The following AXL variants were observed in gnomAD, a reference collection of about 807,000 sequenced individuals.
The protein encoded by AXL is AXL receptor tyrosine kinase.
A neutral mutation model predicts 104.5 loss-of-function variants in AXL; 52 were observed. The observed-to-expected ratio is 0.50, with a 90% CI of 0.40 to 0.63. The LOEUF (loss-of-function observed/expected upper bound fraction) is 0.63. AXL is among the 20% of genes least tolerant of loss of function. AXL has a pLI of 0.00. For synonymous variants in AXL, 455 were observed against 473.7 expected, an observed-to-expected ratio of 0.96 and a Z score of 0.51; for missense variants, 1,024 against 1,188.5, an observed-to-expected ratio of 0.86 and a Z score of 2.04.
chr19:41,226,784 C>T (rs2033889241), intron 4 of AXL: 1 of 985,578 alleles, frequency 1.0e-6, no homozygotes, highest in African/African-American at 1.7e-5. Context: ...CGCAGAACTG[C>T]AGTCGCACTT....
At chr19:41,252,329 C>T (rs772763069) in intron 14 of AXL, 22 bp from the exon 15 acceptor site, 31 of 1,609,716 alleles carry the variant, frequency 1.9e-5, no homozygotes, top group Admixed American at 3.3e-5. Flanking sequence ...CTCCTCCTCA[C>T]GACCTTTCTC....
chr19:41,250,991 G>A (rs1211853249), intron 14 of AXL, among the ~76,000 whole-genome samples: 1 of 152,194 alleles, frequency 6.6e-6, no homozygotes, highest in Non-Finnish European at 1.5e-5. Flanking sequence ...CCCAGGGCAG[G>A]TAGGGAAGTG....
At chr19:41,243,166 C>G (rs1253084817) in intron 11 of AXL, 151 bp downstream of exon 11, 2 of 1,181,036 alleles carry the variant, frequency 1.7e-6, no homozygotes, top group East Asian at 5.1e-5. Flanking sequence ...CGCCTGTAAT[C>G]CCAGCACTTT....
intron 12 of AXL, among the ~76,000 whole-genome samples, chr19:41,246,722 A>T (rs887548652): frequency 8.6e-5 from 13 of 152,000 alleles, no homozygotes; most frequent in African/African-American, 2.2e-4. Context: ...TTCAAAAAAA[A>T]TTTTTTTATT....
chr19:41,252,995 C>A, intron 16 of AXL, 28 bp downstream of exon 16: 1 of 1,611,718 alleles, frequency 6.2e-7, no homozygotes, highest in Non-Finnish European at 8.5e-7. Context: ...ATTCAGTCTA[C>A]AAATATTAAC....
At chr19:41,235,369 A>AATAGATAGATAG (rs71175697) in intron 6 of AXL, among the ~76,000 whole-genome samples, 57 of 80,676 alleles carry the variant, frequency 7.1e-4, no homozygotes, top group East Asian at 1.3e-3. Flanking sequence ...TAAATAAATA[A>AATAGATAGATAG]ATAGATAGAT....
chr19:41,221,483 G>T, intron 3 of AXL: 1 of 524,876 alleles, frequency 1.9e-6, no homozygotes, highest in Non-Finnish European at 3.3e-6. Flanking sequence ...ACTTCTTGGG[G>T]GTAGTTGGAT....
chr19:41,248,944 G>T, intron 14 of AXL, 124 bp downstream of exon 14: 1 of 971,264 alleles, frequency 1.0e-6, no homozygotes, highest in South Asian at 1.7e-5. Context: ...TGGAGCCCCT[G>T]CCAGGTACCT....
intron 14 of AXL, among the ~76,000 whole-genome samples, chr19:41,251,340 T>C (rs1432701372): frequency 2.0e-5 from 3 of 152,032 alleles, no homozygotes; most frequent in Non-Finnish European, 4.4e-5. Flanking sequence ...GGCAGGCAGA[T>C]CACTTGAGGT....
At chr19:41,256,016 A>G (rs1193033592) in intron 17 of AXL, among the ~76,000 whole-genome samples, 1 of 152,144 alleles carries the variant, frequency 6.6e-6, no homozygotes, top group Non-Finnish European at 1.5e-5. Flanking sequence ...GAGTGCTGGG[A>G]TTACAGGCGC....
chr19:41,239,072 T>G, intron 8 of AXL, 92 bp from the exon 9 acceptor site: 1 of 1,468,424 alleles, frequency 6.8e-7, no homozygotes, highest in Non-Finnish European at 9.3e-7. Flanking sequence ...GGGAGAGCGT[T>G]TTGAGAAAGA....
rs2034024568 is a variant in AXL at position 41,233,297 on chromosome 19, A to G, written c.783+1999A>G. ...GAGGCACCGCGCTGGGCCCTGAGAA[A>G]ATGTTTAGAGTCAGTGCTTGATTAA... On this transcript the variant is annotated intron_variant, in intron 6 of 19. Transcript: ENST00000301178. Among the ~76,000 whole-genome samples the G allele has an allele frequency of 2.0e-5, 3 of 151,984 alleles. No individual in the cohort carries two copies. The South Asian group carries it at 6.2e-4, about 32-fold the overall frequency.
intron 14 of AXL, 66 bp from the exon 15 acceptor site, chr19:41,252,285 G>T (rs1313575129): frequency 8.1e-7 from 1 of 1,237,846 alleles, no homozygotes; most frequent in East Asian, 2.3e-5. Flanking sequence ...TGATGATGGA[G>T]TGGAGGTGGA....
chr19:41,223,685 T>G (rs1694251075), intron 4 of AXL, among the ~76,000 whole-genome samples: 1 of 152,048 alleles, frequency 6.6e-6, no homozygotes, highest in African/African-American at 2.4e-5. Context: ...CTGGTGAGCA[T>G]GCTGACCCCA....
intron 14 of AXL, 24 bp downstream of exon 14, chr19:41,248,844 G>A: frequency 6.3e-7 from 1 of 1,578,836 alleles, no homozygotes; most frequent in Non-Finnish European, 8.6e-7. Flanking sequence ...ACATGTGTAG[G>A]ACCCCCAGCT....
At chr19:41,220,243 T>C (rs2033762870) in intron 1 of AXL, among the ~76,000 whole-genome samples, 2 of 101,200 alleles carry the variant, frequency 2.0e-5, no homozygotes, top group African/African-American at 4.5e-5. Flanking sequence ...CACCCTTATC[T>C]CCCCCCACCA....
chr19:41,221,355 C>G, intron 3 of AXL, 109 bp downstream of exon 3: 1 of 921,212 alleles, frequency 1.1e-6, no homozygotes. Flanking sequence ...CTGGAGGATT[C>G]AGGATGAACC....
chr19:41,222,127 T>C, intron 4 of AXL, 71 bp downstream of exon 4: 1 of 1,402,992 alleles, frequency 7.1e-7, no homozygotes. Context: ...CAAGGGAACA[T>C]TGCTACCTCT....
chr19:41,259,069 G>T (rs2034496314), intron 19 of AXL, among the ~76,000 whole-genome samples: 1 of 152,156 alleles, frequency 6.6e-6, no homozygotes, highest in Non-Finnish European at 1.5e-5. Context: ...GAAGCCACAT[G>T]CCTTTTATGA....
Sources: allele counts gnomAD v4.1 joint callset (sites outside exome capture counted in the v4.1 genomes callset), GRCh38; gene constraint gnomAD v4.1.1; transcripts MANE v1.5; gene names NCBI Gene and HGNC (gene_info 2026-07-23, HGNC 2026-07-21).